The following CTNNA3 variants were observed in gnomAD, a reference collection of about 807,000 sequenced individuals.
The protein encoded by CTNNA3 is catenin alpha 3.
In CTNNA3, 76 loss-of-function variants were observed where a neutral mutation model predicts 95.7. The observed-to-expected ratio is 0.79, with a 90% CI of 0.66 to 0.96. CTNNA3 has a LOEUF of 0.96. Among genes scored for constraint, CTNNA3 ranks in the 40% least tolerant of loss-of-function variants. CTNNA3 has a pLI of 0.00. For missense variants in CTNNA3, 1,191 were observed against 1,089.8 expected (o/e 1.09, Z -1.31); for synonymous variants, 431 against 374.4 (o/e 1.15, Z -1.74).
intron 13 of CTNNA3, among the ~76,000 whole-genome samples, chr10:66,159,142 C>A (rs1589591940): frequency 6.6e-6 from 1 of 151,894 alleles, no homozygotes; most frequent in Admixed American, 6.6e-5. Context: ...AATTTGGATG[C>A]CATTTATTTC....
intron 7 of CTNNA3, among the ~76,000 whole-genome samples, chr10:66,845,706 A>AAAAATAAATAAAT (rs1554862138): frequency 1.1e-5 from 1 of 91,856 alleles, no homozygotes. Flanking sequence ...TCTGTCTCAA[A>AAAAATAAATAAAT]AAAAAAAAAA....
chr10:66,350,730 A>G (rs2132389777), intron 12 of CTNNA3, among the ~76,000 whole-genome samples: 1 of 152,152 alleles, frequency 6.6e-6, no homozygotes, highest in Admixed American at 6.5e-5. Flanking sequence ...CAGTAGCTGA[A>G]TGGTTTATTT....
chr10:66,501,611 C>A (rs1417791293), intron 11 of CTNNA3, among the ~76,000 whole-genome samples: 1 of 152,174 alleles, frequency 6.6e-6, no homozygotes, highest in Admixed American at 6.5e-5. Context: ...CAAAGGCATT[C>A]ATTCCCCCCA....
chr10:66,359,717 C>T (rs894777999), intron 12 of CTNNA3, among the ~76,000 whole-genome samples: 7 of 151,970 alleles, frequency 4.6e-5, no homozygotes, highest in African/African-American at 1.7e-4. Flanking sequence ...TTTATTTTGT[C>T]TTTATTCATT....
At chr10:67,103,158 T>C (rs1249002464) in intron 7 of CTNNA3, among the ~76,000 whole-genome samples, 2 of 151,746 alleles carry the variant, frequency 1.3e-5, no homozygotes, top group Non-Finnish European at 3.0e-5. Context: ...TTTTGAAAAA[T>C]AGTGCTCAAA....
intron 11 of CTNNA3, among the ~76,000 whole-genome samples, chr10:66,480,839 G>A (rs746632084): frequency 1.2e-4 from 18 of 151,994 alleles, no homozygotes; most frequent in South Asian, 2.1e-4. Flanking sequence ...TCCTGACCTC[G>A]TGATCCACTC....
At chr10:66,848,946 C>T (rs1363993236) in intron 7 of CTNNA3, among the ~76,000 whole-genome samples, 4 of 152,130 alleles carry the variant, frequency 2.6e-5, no homozygotes, top group East Asian at 1.9e-4. Context: ...GATTGCACAA[C>T]TGTGCATAAA....
chr10:67,083,641 T>C (rs1857158462), intron 7 of CTNNA3, among the ~76,000 whole-genome samples: 1 of 152,204 alleles, frequency 6.6e-6, no homozygotes, highest in African/African-American at 2.4e-5. Context: ...CAATAAGAAC[T>C]TGTGCATGTA....
At chr10:66,903,946 G>A (rs115680305) in intron 7 of CTNNA3, among the ~76,000 whole-genome samples, 15,145 of 152,062 alleles carry the variant, frequency 0.1, 824 homozygotes, top group Middle Eastern at 0.15. Context: ...GAAAATGGCC[G>A]TACTGCCCAA....
At chr10:66,211,735 G>A (rs927407364) in intron 13 of CTNNA3, among the ~76,000 whole-genome samples, 1 of 152,164 alleles carries the variant, frequency 6.6e-6, no homozygotes, top group Non-Finnish European at 1.5e-5. Flanking sequence ...GTTCCTGGTA[G>A]TAAGAGGTGG....
chr10:67,384,171 A>G (rs1844055633), intron 5 of CTNNA3, among the ~76,000 whole-genome samples: 1 of 152,224 alleles, frequency 6.6e-6, no homozygotes, highest in Non-Finnish European at 1.5e-5. Flanking sequence ...GCATAAATTT[A>G]AAGTTGGTTA....
At chr10:67,122,154 A>G (rs1376847156) in intron 7 of CTNNA3, among the ~76,000 whole-genome samples, 2 of 152,066 alleles carry the variant, frequency 1.3e-5, no homozygotes, top group Admixed American at 6.6e-5. Context: ...CGTCTTTCCT[A>G]AGGGAAAGGA....
At chr10:67,726,700 A>C (rs1186877667) in intron 1 of CTNNA3, among the ~76,000 whole-genome samples, 2 of 426 alleles carry the variant, frequency 4.7e-3, no homozygotes, top group African/African-American at 0.016. Context: ...TATTATATAT[A>C]ATATATATCA....
chr10:66,037,843 A>G (rs577898966), intron 15 of CTNNA3, among the ~76,000 whole-genome samples: 6 of 152,334 alleles, frequency 3.9e-5, no homozygotes, highest in African/African-American at 1.4e-4. Flanking sequence ...TGGACTAGGA[A>G]AACATAGAGT....
intron 11 of CTNNA3, among the ~76,000 whole-genome samples, chr10:66,479,282 T>C (rs1839431714): frequency 1.4e-5 from 2 of 146,144 alleles, no homozygotes; most frequent in African/African-American, 5.1e-5. Context: ...TGTATGCCAG[T>C]ACCACACTTC....
At chr10:65,935,577 A>G (rs913284983) in intron 17 of CTNNA3, among the ~76,000 whole-genome samples, 1 of 152,194 alleles carries the variant, frequency 6.6e-6, no homozygotes, top group East Asian at 1.9e-4. Flanking sequence ...AGTGATGCAG[A>G]CAATGCAGTT....
chr10:67,303,800 G>T (rs1273496582), intron 5 of CTNNA3, among the ~76,000 whole-genome samples: 1 of 151,960 alleles, frequency 6.6e-6, no homozygotes, highest in Non-Finnish European at 1.5e-5. Context: ...GTCTCTCCTT[G>T]TTTCCATGCC....
At chr10:66,566,607 A>G (rs1842714142) in intron 10 of CTNNA3, among the ~76,000 whole-genome samples, 2 of 152,094 alleles carry the variant, frequency 1.3e-5, no homozygotes, top group African/African-American at 4.8e-5. Context: ...AAAAATAATA[A>G]CAGAACCAAG....
chr10:67,343,328 T>C (rs1842286189), intron 5 of CTNNA3, among the ~76,000 whole-genome samples: 1 of 152,202 alleles, frequency 6.6e-6, no homozygotes, highest in South Asian at 2.1e-4. Context: ...GCATTAAATA[T>C]ATAGATTACT....
Sources: gnomAD v4.1 joint callset for allele counts (sites outside exome capture counted in the v4.1 genomes callset) on GRCh38, gnomAD v4.1.1 for gene constraint, MANE v1.5 for transcripts, NCBI Gene and HGNC (gene_info 2026-07-23, HGNC 2026-07-21) for gene names.